The following DSP variants were observed in gnomAD, a reference collection of about 807,000 sequenced individuals.
DSP encodes 250/210 kDa paraneoplastic pemphigus antigen.
A neutral mutation model predicts 290.6 loss-of-function variants in DSP; 114 were observed. The ratio of observed to expected loss-of-function variants is 0.39; its 90% CI spans 0.34 to 0.46. The LOEUF (loss-of-function observed/expected upper bound fraction) is 0.46, where lower values mean the gene tolerates loss of function less well. DSP is among the 20% of genes least tolerant of loss of function. The pLI, the probability that DSP is intolerant of heterozygous loss-of-function variation, is 0.99. For synonymous variants in DSP, 1,311 were observed against 1,316.4 expected, an observed-to-expected ratio of 1.00 and a Z score of 0.09; for missense variants, 3,230 against 3,495.8, an observed-to-expected ratio of 0.92 and a Z score of 1.92.
chr6:7,584,003 T>C lies in DSP; in HGVS notation c.6741T>C (p.Gly2247=). 1 of 1,614,162 alleles carries C rather than the reference T, an allele frequency of 6.2e-7. No homozygotes were observed. The highest frequency in any genetic ancestry group is 1.1e-5 in the South Asian group (1 of 91,072). The stretch of plus-strand genomic sequence containing the variant: ...GTCAGATTTCTTATGACGAGGTTGG[T>C]GAGAGAATTAAGGACTTCCTCCAGG... ...ESGQISYDEV[G]ERIKDFLQGS... The change falls in exon 24 of 24, where the codon GGT becomes GGC. Residue 2247 remains glycine, a synonymous_variant. Transcript: ENST00000379802. This position sits in a 1 kb window ranked among gnomAD's most constrained non-coding sequence, Gnocchi z 6.4.
chr6:7,568,374 G>GA, intron 10 of DSP, 63 bp from the exon 11 acceptor site: 4 of 1,580,666 alleles, frequency 2.5e-6, no homozygotes, highest in African/African-American at 1.3e-5. Flanking sequence ...AATGCAGGTT[G>GA]AAAATCTCCT....
chr6:7,554,082 A>AACACACACACACAC (rs10658102), intron 1 of DSP, among the ~76,000 whole-genome samples: 8,427 of 115,764 alleles, frequency 0.073, 422 homozygotes, highest in East Asian at 0.12. Context: ...CTTTCTTTAA[A>AACACACACACACAC]ACACACACAC....
intron 21 of DSP, among the ~76,000 whole-genome samples, 180 bp downstream of exon 21, chr6:7,578,066 G>A (rs762153537): frequency 5.3e-5 from 8 of 152,190 alleles, no homozygotes; most frequent in Non-Finnish European, 1.2e-4. Context: ...GCCCTCCAGT[G>A]TGAGTCATTG....
chr6:7,554,614 C>A (rs1447463051), intron 1 of DSP, among the ~76,000 whole-genome samples: 1 of 152,044 alleles, frequency 6.6e-6, no homozygotes, highest in East Asian at 1.9e-4. Context: ...TTAAAAAAAA[C>A]ATTATTGTCT....
intron 4 of DSP, among the ~76,000 whole-genome samples, chr6:7,560,401 C>T (rs1474156945): frequency 1.3e-5 from 2 of 152,156 alleles, no homozygotes; most frequent in Admixed American, 1.3e-4. Context: ...TAAGCTATTA[C>T]AGAAGGTAAG....
At position 7,579,757 on chromosome 6, in the gene DSP, A is replaced by G. The variant is rs765476408; in HGVS notation, c.3567A>G (p.Glu1189=). 6.2e-7 allele frequency: 1 copy of G among 1,613,872 alleles called. No individual in the cohort carries two copies. The highest frequency in any genetic ancestry group is 8.5e-7 in the Non-Finnish European group (1 of 1,179,866). Residue 1189 remains glutamate (E), a synonymous_variant, in exon 23 of 24, where the codon GAA becomes GAG. Coordinates refer to ENST00000379802, the MANE Select transcript of DSP (RefSeq NM_004415.4). The surrounding 1 kb of genome is among the most constrained non-coding windows in gnomAD (Gnocchi z 4.1). ...AAGGCACCCGGAAGAGAGAATATGA[A>G]AATGAGCTGGCAAAGGTAAGAAACC... ...QEEGTRKREY[E]NELAKVRNHY... is the part of the protein sequence containing the mutation.
Position 7,559,008 on chromosome 6 carries a change from T to C in DSP, c.423-218T>C, listed in dbSNP as rs555136486. 2.2e-3 allele frequency among the ~76,000 whole-genome samples: 338 copies of C among 152,266 alleles called. 1 individual carries two copies. The highest frequency in any genetic ancestry group is 7.8e-3 in the African/African-American group (325 of 41,542). On this transcript the variant is annotated intron_variant, in intron 3 of 23. Coordinates refer to ENST00000379802, the MANE Select transcript of DSP (RefSeq NM_004415.4). ...AGGTTAGGCAAAGGCAGTGACGCTT[T>C]CTATGCTGTTACGCACTTTGAACCT... is the stretch of plus-strand genomic sequence containing the variant.
At chr6:7,572,847 A>G (rs900606984) in intron 15 of DSP, among the ~76,000 whole-genome samples, 4 of 152,252 alleles carry the variant, frequency 2.6e-5, no homozygotes, top group African/African-American at 9.6e-5. Flanking sequence ...CCTACTATAC[A>G]CCTAGGCTAC....
In DSP at chr6:7,585,652, T is replaced by A. The variant is rs769734918; in HGVS notation, c.8390T>A (p.Ile2797Asn). ...DAINRSMVED[I>N]TGLRLLEAAS... ...ATAAATCGCTCCATGGTAGAAGATA[T>A]CACTGGGCTGCGCCTTCTGGAAGCC... is the stretch of plus-strand genomic sequence containing the variant. The change falls in exon 24 of 24, where the codon ATC (isoleucine) becomes AAC (asparagine). Residue 2797 changes from isoleucine (I) to asparagine (N), a missense_variant. Ile to Asn is a moderately radical substitution (Grantham distance 149, BLOSUM62 -3). Around this residue, in one of 5 missense-constraint regions of DSP, gnomAD observed 582 missense variants for 555.4 expected, o/e 1.05. Coordinates refer to ENST00000379802, the MANE Select transcript of DSP (RefSeq NM_004415.4). 1.2e-6 allele frequency: 2 copies of A among 1,614,202 alleles called. No homozygotes were observed. Among genetic ancestry groups the A allele is most frequent in the Non-Finnish European group, 1.7e-6 (2 of 1,180,042 alleles).
chr6:7,584,661 G>T lies in DSP; in HGVS notation c.7399G>T (p.Val2467Phe). 6.2e-7 allele frequency: 1 copy of T among 1,614,160 alleles called. No homozygotes were observed. The highest frequency in any genetic ancestry group is 1.1e-5 in the South Asian group (1 of 91,084). ...GAATACCCTCAGGAAGCGTAGAGTG[G>T]TCATAGTTGACCCAGAAACCAATAA... ...QKNTLRKRRVVIVDPETNKEM... is the reference protein window; with the variant it reads ...QKNTLRKRRVFIVDPETNKEM... The change falls in exon 24 of 24, where the codon GTC (valine) becomes TTC (phenylalanine). Residue 2467 changes from valine to phenylalanine, a missense_variant. By Grantham distance (50) the Val-to-Phe change is conservative. Coordinates refer to ENST00000379802, the MANE Select transcript of DSP (RefSeq NM_004415.4). This position sits in a 1 kb window ranked among gnomAD's most constrained non-coding sequence, Gnocchi z 6.4.
Position 7,581,259 on chromosome 6 carries a change from A to G in DSP, c.5069A>G (p.Glu1690Gly). The G allele has an allele frequency of 5.6e-6, 9 of 1,614,152 alleles. No individual in the cohort carries two copies. The highest frequency in any genetic ancestry group is 7.6e-6 in the Non-Finnish European group (9 of 1,180,040). ...AATGAGCATTTCCAGAAGGCGATAG[A>G]AGATAAAAGCAGAAGCTTAAATGAA... ...LRNEHFQKAIEDKSRSLNESK... is the reference protein window; with the variant it reads ...LRNEHFQKAIGDKSRSLNESK... The change falls in exon 23 of 24, where the codon GAA becomes GGA. Residue 1690 changes from glutamate to glycine, a missense_variant. By Grantham distance (98) the Glu-to-Gly change is moderately conservative (BLOSUM62 -2). Transcript: ENST00000379802.
At chr6:7,558,294 T>C (rs1211279531) in intron 3 of DSP, 30 bp downstream of exon 3, 2 of 1,604,986 alleles carry the variant, frequency 1.2e-6, no homozygotes, top group South Asian at 2.2e-5. Flanking sequence ...GATCGGGCAG[T>C]CCCCATGAAA....
intron 1 of DSP, 76 bp downstream of exon 1, chr6:7,542,161 G>C (rs774853637): frequency 4.6e-6 from 7 of 1,524,680 alleles, no homozygotes; most frequent in Non-Finnish European, 6.2e-6. Flanking sequence ...GGACGACTGG[G>C]AGACTCGGGT....
chr6:7,555,211 G>A (rs1349334955), intron 1 of DSP, among the ~76,000 whole-genome samples: 1 of 152,196 alleles, frequency 6.6e-6, no homozygotes, highest in Non-Finnish European at 1.5e-5. Context: ...CTGGACCTGG[G>A]AGGGGAAAAC....
chr6:7,568,176 G>A (rs1758920765), intron 10 of DSP, among the ~76,000 whole-genome samples: 1 of 152,140 alleles, frequency 6.6e-6, no homozygotes, highest in South Asian at 2.1e-4. Flanking sequence ...CTTTGGGAAC[G>A]CATACTTCAA....
In DSP at chr6:7,580,941, C is replaced by T. The variant is rs748619817; in HGVS notation, c.4751C>T (p.Ala1584Val). 11 of 1,613,952 alleles carry T rather than the reference C, an allele frequency of 6.8e-6. No homozygotes were observed. The highest frequency in any genetic ancestry group is 4.4e-5 in the South Asian group (4 of 91,082). ...GAGCTGAATCGGCTGAAGAGGACCG[C>T]GTCAGAAGACTCCTGCAAGAGGAAG... The part of the protein sequence containing the change: ...EEELNRLKRT[A>V]SEDSCKRKKL... Residue 1584 changes from alanine to valine, a missense_variant, in exon 23 of 24, where the codon GCG becomes GTG. Ala to Val is a moderately conservative substitution (Grantham distance 64, BLOSUM62 0). Transcript: ENST00000379802. The surrounding 1 kb of genome is among the most constrained non-coding windows in gnomAD (Gnocchi z 4.2).
At chr6:7,548,517 G>T (rs780908830) in intron 1 of DSP, among the ~76,000 whole-genome samples, 32 of 152,190 alleles carry the variant, frequency 2.1e-4, no homozygotes, top group Admixed American at 3.9e-4. Context: ...CTCCAACTGT[G>T]CCCTACTTCA....
chr6:7,559,450 C>G, intron 4 of DSP, 50 bp downstream of exon 4: 1 of 1,608,016 alleles, frequency 6.2e-7, no homozygotes, highest in Non-Finnish European at 8.5e-7. Flanking sequence ...GACGTTCCAG[C>G]ACGATGGGGT....
Position 7,577,842 on chromosome 6 carries a change from A to G in DSP, c.2941A>G (p.Lys981Glu), listed in dbSNP as rs747580402. ...GLETLLNIPIKRTMIQSPSGV... is the reference protein window; with the variant it reads ...GLETLLNIPIERTMIQSPSGV... Reference sequence around the variant, plus strand: ...GGAAACTCTGCTGAACATACCTATCAAGAGGACCATGATTCAGTCCCCTTC... The same window carrying G: ...GGAAACTCTGCTGAACATACCTATCGAGAGGACCATGATTCAGTCCCCTTC... Residue 981 changes from lysine (K) to glutamate (E), a missense_variant, in exon 21 of 24, where the codon AAG becomes GAG. This residue lies in a region of DSP where 1,714 missense variants were observed against 1,844.5 expected (regional missense o/e 0.93). Transcript: ENST00000379802. The G allele has an allele frequency of 1.1e-5, 17 of 1,614,030 alleles. No homozygotes were observed. The African/African-American group carries it at 2.0e-4, about 19-fold the overall frequency.
Sources: allele counts gnomAD v4.1 joint callset (sites outside exome capture counted in the v4.1 genomes callset), GRCh38; gene constraint gnomAD v4.1.1; regional missense constraint gnomAD v4.1.1; non-coding constraint Gnocchi (gnomAD v3.1); transcripts MANE v1.5; gene names NCBI Gene and HGNC (gene_info 2026-07-23, HGNC 2026-07-21).